Variants in SPMIP2 observed in about 807,000 individuals in gnomAD.
The protein encoded by SPMIP2 is protein SPMIP2.
the SPMIP2 span, among the ~76,000 whole-genome samples, chr4:158,976,696 C>CG: frequency 1.7e-5 from 2 of 114,952 alleles, no homozygotes; most frequent in African/African-American, 7.0e-5. Context: ...GACAGAGTCT[C>CG]GCTCTGTCAC....
At chr4:159,079,287 A>C in the SPMIP2 span, among the ~76,000 whole-genome samples, 1 of 152,120 alleles carries the variant, frequency 6.6e-6, no homozygotes, top group African/African-American at 2.4e-5. Context: ...CTCCACCCAC[A>C]TGAATGGAAT....
At chr4:158,905,929 T>C in the SPMIP2 span, 1 of 152,226 alleles carries the variant, frequency 6.6e-6, no homozygotes, top group Non-Finnish European at 1.5e-5. Flanking sequence ...ATTCCAGTTC[T>C]TTTCATGTAT....
At chr4:159,018,875 G>A in the SPMIP2 span, among the ~76,000 whole-genome samples, 1 of 152,162 alleles carries the variant, frequency 6.6e-6, no homozygotes, top group Non-Finnish European at 1.5e-5. Context: ...CGGATCACGA[G>A]GTCAGGAGAT....
chr4:159,030,839 T>G, the SPMIP2 span, among the ~76,000 whole-genome samples: 1 of 152,134 alleles, frequency 6.6e-6, no homozygotes, highest in African/African-American at 2.4e-5. Flanking sequence ...ATAAAAATCC[T>G]ATGAAACTCT....
chr4:158,896,585 A>C, the SPMIP2 span, among the ~76,000 whole-genome samples: 1 of 152,130 alleles, frequency 6.6e-6, no homozygotes, highest in Non-Finnish European at 1.5e-5. Context: ...TAAATTATCT[A>C]AGCCTCCTAA....
chr4:159,026,429 A>T, the SPMIP2 span: 18 of 965,756 alleles, frequency 1.9e-5, no homozygotes, highest in Non-Finnish European at 2.7e-5. Context: ...GATGGGAAGA[A>T]AAGCACAATA....
At chr4:158,953,501 A>G in the SPMIP2 span, among the ~76,000 whole-genome samples, 1 of 152,228 alleles carries the variant, frequency 6.6e-6, no homozygotes, top group African/African-American at 2.4e-5. Flanking sequence ...GAGAAACTCT[A>G]TTGGAGCAGT....
At chr4:159,075,841 T>C in the SPMIP2 span, among the ~76,000 whole-genome samples, 1 of 151,802 alleles carries the variant, frequency 6.6e-6, no homozygotes, top group Non-Finnish European at 1.5e-5. Flanking sequence ...TAATGAGGGC[T>C]CACAGTTTAC....
chr4:159,081,192 T>G, the SPMIP2 span, among the ~76,000 whole-genome samples: 1 of 151,900 alleles, frequency 6.6e-6, no homozygotes, highest in African/African-American at 2.4e-5. Context: ...TGCGCACCAC[T>G]GCACCTGGCT....
At chr4:158,998,348 A>G in the SPMIP2 span, among the ~76,000 whole-genome samples, 5 of 152,228 alleles carry the variant, frequency 3.3e-5, no homozygotes, top group Non-Finnish European at 5.9e-5. Flanking sequence ...TCCTTCTTGC[A>G]TATTTTAGAT....
chr4:159,033,645 T>C, the SPMIP2 span, among the ~76,000 whole-genome samples: 2 of 152,148 alleles, frequency 1.3e-5, no homozygotes, highest in Admixed American at 6.5e-5. Context: ...AGATAAGCAG[T>C]GTACTCTTGT....
the SPMIP2 span, among the ~76,000 whole-genome samples, chr4:159,008,852 T>C: frequency 6.6e-6 from 1 of 152,202 alleles, no homozygotes; most frequent in African/African-American, 2.4e-5. Context: ...CACATTATAA[T>C]TGAAAAAATA....
At chr4:158,915,330 TG>T in the SPMIP2 span, 1 of 1,612,972 alleles carries the variant, frequency 6.2e-7, no homozygotes. Flanking sequence ...CTGTTTTCCT[TG>T]CATATCCAGG....
the SPMIP2 span, among the ~76,000 whole-genome samples, chr4:159,053,543 A>G: frequency 6.6e-6 from 1 of 152,066 alleles, no homozygotes; most frequent in African/African-American, 2.4e-5. Context: ...GGTCTCTTCC[A>G]GGATCTTTTG....
At chr4:159,047,624 G>GA in the SPMIP2 span, among the ~76,000 whole-genome samples, 1 of 152,176 alleles carries the variant, frequency 6.6e-6, no homozygotes, top group African/African-American at 2.4e-5. Context: ...TTGGTAATCT[G>GA]AAAAATACCA....
the SPMIP2 span, chr4:158,895,892 G>A: frequency 1.3e-6 from 2 of 1,515,362 alleles, no homozygotes; most frequent in Non-Finnish European, 1.8e-6. Flanking sequence ...GCCGTCACTT[G>A]TCCCTTTGAT....
At chr4:158,935,977 G>C in the SPMIP2 span, among the ~76,000 whole-genome samples, 2 of 152,172 alleles carry the variant, frequency 1.3e-5, no homozygotes, top group Admixed American at 6.5e-5. Context: ...CAGCCATTTT[G>C]ATTCACGACC....
the SPMIP2 span, among the ~76,000 whole-genome samples, chr4:158,928,547 C>T: frequency 1.3e-5 from 2 of 152,198 alleles, no homozygotes; most frequent in East Asian, 3.9e-4. Context: ...GGATTGTAAA[C>T]GCACCAATCA....
the SPMIP2 span, among the ~76,000 whole-genome samples, chr4:158,943,452 T>C: frequency 6.6e-6 from 1 of 152,328 alleles, no homozygotes; most frequent in Admixed American, 6.5e-5. Flanking sequence ...TCACTTCTCA[T>C]TCCCATCACT....
Sources: gnomAD v4.1 joint callset for allele counts (sites outside exome capture counted in the v4.1 genomes callset) on GRCh38, gnomAD v4.1.1 for gene constraint, MANE v1.5 for transcripts, NCBI Gene and HGNC (gene_info 2026-07-23, HGNC 2026-07-21) for gene names.